Variants in WNT3 observed in about 807,000 individuals in gnomAD.
WNT3 encodes the protein proto-oncogene Wnt-3.
Under a neutral mutation model 34.2 loss-of-function variants are expected in WNT3, and 7 were observed. The observed-to-expected ratio is 0.20, with a 90% CI of 0.12 to 0.38. The LOEUF (loss-of-function observed/expected upper bound fraction) is 0.38. Among genes scored for constraint, WNT3 ranks in the 10% least tolerant of loss-of-function variants. The pLI is 1.00. For synonymous variants in WNT3, 212 were observed against 211.5 expected (o/e 1.00, Z -0.02); for missense variants, 267 against 499.8 (o/e 0.53, Z 4.44).
At chr17:46,805,742 T>C (rs2084186655) in intron 1 of WNT3, among the ~76,000 whole-genome samples, 1 of 152,138 alleles carries the variant, frequency 6.6e-6, no homozygotes, top group African/African-American at 2.4e-5. Context: ...CAGAGCAAGA[T>C]CCTGTCTCAA....
chr17:46,816,894 G>A (rs2084358001), intron 1 of WNT3, among the ~76,000 whole-genome samples: 1 of 152,214 alleles, frequency 6.6e-6, no homozygotes, highest in Non-Finnish European at 1.5e-5. Flanking sequence ...GGCCGGGTGA[G>A]GCTGGACTGG....
intron 1 of WNT3, among the ~76,000 whole-genome samples, chr17:46,798,865 T>C (rs995149343): frequency 1.3e-5 from 2 of 152,034 alleles, no homozygotes; most frequent in African/African-American, 2.4e-5. Flanking sequence ...CTGGCTAACA[T>C]GGGGAAACCC....
intron 1 of WNT3, among the ~76,000 whole-genome samples, chr17:46,795,357 C>A (rs556479683): frequency 6.6e-6 from 1 of 152,324 alleles, no homozygotes; most frequent in East Asian, 1.9e-4. Context: ...GGAAAGCAGA[C>A]AGCTGACCCT....
In WNT3 at chr17:46,764,231, C is replaced by T. The variant is rs914730220; in HGVS notation, c.*399G>A. On this transcript the variant is annotated 3_prime_UTR_variant, in exon 5 of 5. Coordinates refer to ENST00000225512, the MANE Select transcript of WNT3 (RefSeq NM_030753.5). ...CAGAAGCAGCAGTTTGGAAACAGAA[C>T]CTTGCCCATGCTGATGTCTTGACTG... The T allele has an allele frequency of 6.6e-6, 1 of 152,634 alleles. No homozygotes were observed. The allele number at this position is 152,634 out of a possible 1,614,324, so 9.5% of individuals were successfully genotyped here. A position where few individuals can be genotyped will look rare whatever the true frequency, so the allele number is the denominator to read the frequency against.
Position 46,809,767 on chromosome 17 carries a change from A to G in WNT3, c.80+8751T>C, listed in dbSNP as rs148966324. Among the ~76,000 whole-genome samples the G allele has an allele frequency of 4.6e-5, 7 of 152,032 alleles. No individual in the cohort carries two copies. In the South Asian group the frequency reaches 6.2e-4, roughly 14 times the overall value. On this transcript the variant is annotated intron_variant, in intron 1 of 4. Coordinates refer to ENST00000225512, the MANE Select transcript of WNT3 (RefSeq NM_030753.5). The stretch of plus-strand genomic sequence containing the variant: ...CATGCCCTGAGCTGTGAACCTGGGT[A>G]TGCCCCGTGACCAGTTGGCTTCAGA...
rs1423815074 is a variant in WNT3, at chr17:46,762,817, T to C, written c.*1813A>G. ...TCATGTACTATTATTAAATAATTAC[T>C]TGTCAGCTACTTGAATACGCCCCAG... On this transcript the variant is annotated 3_prime_UTR_variant, in exon 5 of 5. Transcript: ENST00000225512. The C allele has an allele frequency of 6.6e-6, 1 of 152,186 alleles. No homozygotes were observed. Among genetic ancestry groups the C allele is most frequent in the Non-Finnish European group, 1.5e-5 (1 of 68,036 alleles). 9.4% of individuals were successfully genotyped at this position (152,186 alleles called of 1,614,324 possible). A position where few individuals can be genotyped will look rare whatever the true frequency, so the allele number is the denominator to read the frequency against.
chr17:46,786,756 G>T (rs1453162975), intron 1 of WNT3, among the ~76,000 whole-genome samples: 3 of 152,148 alleles, frequency 2.0e-5, no homozygotes, highest in Non-Finnish European at 4.4e-5. Flanking sequence ...TGGGGTCACA[G>T]CATTTCTGCC....
At chr17:46,770,640 C>T (rs2059356565) in intron 2 of WNT3, among the ~76,000 whole-genome samples, 1 of 152,162 alleles carries the variant, frequency 6.6e-6, no homozygotes, top group Non-Finnish European at 1.5e-5. Flanking sequence ...ACCAGGAGGG[C>T]AGTGGCCCGT....
chr17:46,809,029 T>G (rs1409936357), intron 1 of WNT3, among the ~76,000 whole-genome samples: 2 of 152,162 alleles, frequency 1.3e-5, no homozygotes, highest in African/African-American at 4.8e-5. Flanking sequence ...CAGGTTGGGC[T>G]GCCTTTTAAA....
At chr17:46,775,133 G>A (rs1163990249) in intron 1 of WNT3, among the ~76,000 whole-genome samples, 3 of 152,234 alleles carry the variant, frequency 2.0e-5, no homozygotes, top group African/African-American at 4.8e-5. Context: ...ACAGGGCCGA[G>A]CCAAACATCT....
At chr17:46,817,878 A>G (rs895671759) in intron 1 of WNT3, among the ~76,000 whole-genome samples, 2 of 152,110 alleles carry the variant, frequency 1.3e-5, no homozygotes, top group Admixed American at 6.5e-5. Context: ...AGAAATGAAT[A>G]AAATCCGAAT....
intron 1 of WNT3, among the ~76,000 whole-genome samples, chr17:46,809,409 TTTCCCAGAAAGGTC>T (rs1434887680): frequency 4.6e-5 from 7 of 152,076 alleles, no homozygotes; most frequent in Admixed American, 2.6e-4. Context: ...CAGGGGCAGG[TTTCCCAGAAAGGTC>T]TTCCAGACAG....
intron 1 of WNT3, among the ~76,000 whole-genome samples, chr17:46,781,897 G>A (rs1376279463): frequency 6.6e-6 from 1 of 152,200 alleles, no homozygotes; most frequent in African/African-American, 2.4e-5. Flanking sequence ...GGGTCACACA[G>A]CTGGCTGCCC....
intron 1 of WNT3, among the ~76,000 whole-genome samples, chr17:46,784,603 T>C (rs1464731295): frequency 6.6e-6 from 1 of 151,898 alleles, no homozygotes; most frequent in East Asian, 1.9e-4. Flanking sequence ...GCTGGAAAGG[T>C]GGGCTCTCCC....
chr17:46,813,470 C>CG (rs1225035036), intron 1 of WNT3, among the ~76,000 whole-genome samples: 30 of 20,072 alleles, frequency 1.5e-3, no homozygotes, highest in African/African-American at 5.9e-3. Flanking sequence ...TAACCTTTGG[C>CG]GGGGGGTGGG....
intron 1 of WNT3, among the ~76,000 whole-genome samples, chr17:46,809,329 A>C (rs2146459173): frequency 6.6e-6 from 1 of 152,256 alleles, no homozygotes; most frequent in Admixed American, 6.5e-5. Context: ...TTGCATTCCT[A>C]ATGGGCCCTG....
Position 46,773,897 on chromosome 17 carries a change from C to G in WNT3, c.93G>C (p.Leu31=). Residue 31 remains leucine, a synonymous_variant, in exon 2 of 5, where the codon CTG becomes CTC. Transcript: ENST00000225512. Reference sequence around the variant, plus strand: ...AGCCCAGAGATGTGTACTGCTGGCCCAGGGCCAGGGACCTGCAGGCAGACA... The same window carrying G: ...AGCCCAGAGATGTGTACTGCTGGCCGAGGGCCAGGGACCTGCAGGCAGACA... ...AGYPIWWSLA[L]GQQYTSLGSQ... 6.2e-7 allele frequency: 1 copy of G among 1,611,792 alleles called. No individual in the cohort carries two copies. The highest frequency in any genetic ancestry group is 8.5e-7 in the Non-Finnish European group (1 of 1,179,902).
At chr17:46,795,815 CCTT>C (rs950390100) in intron 1 of WNT3, among the ~76,000 whole-genome samples, 9 of 152,034 alleles carry the variant, frequency 5.9e-5, no homozygotes, top group South Asian at 2.1e-4. Context: ...TCAGATAACT[CCTT>C]CTCCTTCACT....
chr17:46,771,203 G>A (rs867935923), intron 2 of WNT3, among the ~76,000 whole-genome samples: 3 of 152,204 alleles, frequency 2.0e-5, no homozygotes, highest in Non-Finnish European at 4.4e-5. Context: ...GGCGAAGAGT[G>A]CAGAGCTGGT....
Sources: allele counts gnomAD v4.1 joint callset (sites outside exome capture counted in the v4.1 genomes callset), GRCh38; gene constraint gnomAD v4.1.1; transcripts MANE v1.5; gene names NCBI Gene and HGNC (gene_info 2026-07-23, HGNC 2026-07-21).